Variants in GRID1 observed in about 807,000 individuals in gnomAD.
The protein encoded by GRID1 is glutamate ionotropic receptor delta type subunit 1.
A neutral mutation model predicts 98.0 loss-of-function variants in GRID1; 28 were observed. The observed-to-expected ratio is 0.29, with a 90% CI of 0.21 to 0.39. The LOEUF is 0.39. Ranked by LOEUF, GRID1 falls within the 10% of genes least tolerant of loss-of-function variation. The pLI is 1.00. For missense variants in GRID1, 1,111 were observed against 1,340.5 expected (o/e 0.83, Z 2.67); for synonymous variants, 553 against 538.5 (o/e 1.03, Z -0.37).
At chr10:86,016,369 G>C (rs1225865301) in intron 4 of GRID1, among the ~76,000 whole-genome samples, 17 of 151,910 alleles carry the variant, frequency 1.1e-4, no homozygotes, top group Admixed American at 9.2e-4. Flanking sequence ...GATGGTAAGA[G>C]CACCATCTCT....
chr10:85,933,285 T>TAA (rs59704249), intron 4 of GRID1, among the ~76,000 whole-genome samples: 3,402 of 120,132 alleles, frequency 0.028, 88 homozygotes, highest in African/African-American at 0.051. Context: ...CTCTGTTCTT[T>TAA]AAAAAAAAAA....
intron 8 of GRID1, among the ~76,000 whole-genome samples, chr10:85,825,046 GA>G (rs1246631692): frequency 6.6e-6 from 1 of 151,686 alleles, no homozygotes; most frequent in Non-Finnish European, 1.5e-5. Context: ...TTTCCCTTTG[GA>G]AAAAAAATCC....
intron 2 of GRID1, among the ~76,000 whole-genome samples, chr10:86,290,338 T>C (rs1847495152): frequency 6.6e-6 from 1 of 152,166 alleles, no homozygotes; most frequent in African/African-American, 2.4e-5. Context: ...GGAGGACACA[T>C]CAAAGCCATC....
chr10:85,957,469 T>G (rs1335037021), intron 4 of GRID1, among the ~76,000 whole-genome samples: 3 of 152,096 alleles, frequency 2.0e-5, no homozygotes, highest in Non-Finnish European at 4.4e-5. Flanking sequence ...ATTAGGCAGT[T>G]AAGAAGGCAT....
chr10:86,045,942 A>AAC (rs1843417179), intron 4 of GRID1, among the ~76,000 whole-genome samples: 1 of 152,160 alleles, frequency 6.6e-6, no homozygotes, highest in Non-Finnish European at 1.5e-5. Context: ...TTGGACTTCC[A>AAC]CTGGCCATGG....
intron 8 of GRID1, among the ~76,000 whole-genome samples, chr10:85,846,135 C>T (rs921147581): frequency 2.6e-5 from 4 of 152,058 alleles, no homozygotes; most frequent in Non-Finnish European, 4.4e-5. Flanking sequence ...TTAGTAAAAC[C>T]ACTAAGAATT....
chr10:85,764,969 T>C (rs564157000), intron 8 of GRID1, among the ~76,000 whole-genome samples: 1 of 152,120 alleles, frequency 6.6e-6, no homozygotes, highest in Non-Finnish European at 1.5e-5. Flanking sequence ...ACAAAGCAAG[T>C]GGTTAGATGG....
At chr10:86,281,652 T>G (rs1283252348) in intron 2 of GRID1, among the ~76,000 whole-genome samples, 1 of 152,192 alleles carries the variant, frequency 6.6e-6, no homozygotes, top group Admixed American at 6.5e-5. Context: ...GGGCTCCTGT[T>G]GCCCACAGAC....
At chr10:85,965,614 C>A (rs914798397) in intron 4 of GRID1, among the ~76,000 whole-genome samples, 2 of 151,958 alleles carry the variant, frequency 1.3e-5, no homozygotes, top group African/African-American at 2.4e-5. Context: ...GGGAGAGGAA[C>A]ATCACACACC....
chr10:85,757,997 A>C, intron 8 of GRID1, among the ~76,000 whole-genome samples: 1 of 152,204 alleles, frequency 6.6e-6, no homozygotes, highest in East Asian at 1.9e-4. Flanking sequence ...AGCCTCACAC[A>C]GGCTGACCTT....
intron 13 of GRID1, among the ~76,000 whole-genome samples, chr10:85,634,998 G>GAAAAAAAAAAAAAAAAAAAAAAAAAA (rs140144576): frequency 2.9e-5 from 1 of 35,008 alleles, no homozygotes; most frequent in Non-Finnish European, 5.4e-5. Flanking sequence ...GAGGAAATCT[G>GAAAAAAAAAAAAAAAAAAAAAAAAAA]AAAAAAAAAA....
intron 4 of GRID1, among the ~76,000 whole-genome samples, chr10:86,012,139 A>ATAAATAAATAAT (rs143893118): frequency 1.3e-5 from 2 of 152,196 alleles, no homozygotes; most frequent in African/African-American, 4.8e-5. Flanking sequence ...AAATAAATAA[A>ATAAATAAATAAT]TAAAGTAGAT....
intron 13 of GRID1, among the ~76,000 whole-genome samples, chr10:85,633,619 T>C (rs558570618): frequency 6.3e-4 from 96 of 152,318 alleles, no homozygotes; most frequent in Non-Finnish European, 1.2e-3. Context: ...CATCCCTTCA[T>C]GTGCTGGGAG....
intron 8 of GRID1, among the ~76,000 whole-genome samples, chr10:85,750,823 C>A (rs539921276): frequency 7.9e-5 from 12 of 151,768 alleles, no homozygotes; most frequent in African/African-American, 2.2e-4. Context: ...ACATAATGGC[C>A]AAAACAAACA....
At chr10:85,718,485 T>G (rs1426220111) in intron 12 of GRID1, among the ~76,000 whole-genome samples, 1 of 152,232 alleles carries the variant, frequency 6.6e-6, no homozygotes, top group East Asian at 1.9e-4. Flanking sequence ...CATCCAGGCG[T>G]TTCTATACAT....
intron 12 of GRID1, chr10:85,709,102 C>A (rs1841555121): frequency 3.0e-6 from 1 of 334,580 alleles, no homozygotes; most frequent in Non-Finnish European, 6.0e-6. Flanking sequence ...AGGGAATGAC[C>A]CTGACTTTGA....
At chr10:85,763,888 G>A (rs1271193660) in intron 8 of GRID1, among the ~76,000 whole-genome samples, 2 of 152,128 alleles carry the variant, frequency 1.3e-5, no homozygotes, top group East Asian at 3.9e-4. Context: ...AGGCACTTGG[G>A]AAATAATTTC....
At chr10:86,243,662 T>A (rs746274486) in intron 2 of GRID1, among the ~76,000 whole-genome samples, 39 of 152,184 alleles carry the variant, frequency 2.6e-4, no homozygotes, top group Admixed American at 2.3e-3. Flanking sequence ...AAAAATAGTC[T>A]GAGTGAGGGA....
intron 8 of GRID1, among the ~76,000 whole-genome samples, chr10:85,831,199 A>C (rs564320713): frequency 6.6e-6 from 1 of 152,296 alleles, no homozygotes; most frequent in East Asian, 1.9e-4. Context: ...TAAGCAAACT[A>C]ACACAAGAAC....
Sources: allele counts gnomAD v4.1 joint callset (sites outside exome capture counted in the v4.1 genomes callset), GRCh38; gene constraint gnomAD v4.1.1; transcripts MANE v1.5; gene names NCBI Gene and HGNC (gene_info 2026-07-23, HGNC 2026-07-21).